Variants in PITPNC1 observed in about 807,000 individuals in gnomAD.
PITPNC1 encodes the protein cytoplasmic phosphatidylinositol transfer protein 1.
A neutral mutation model predicts 44.7 loss-of-function variants in PITPNC1; 18 were observed. That is an observed-to-expected ratio of 0.40 (90% confidence interval 0.28 to 0.60). The LOEUF (loss-of-function observed/expected upper bound fraction) is 0.60. PITPNC1 is among the 20% of genes least tolerant of loss of function. The pLI, the probability that PITPNC1 is intolerant of heterozygous loss-of-function variation, is 0.39. For synonymous variants in PITPNC1, 141 were observed against 149.6 expected (o/e 0.94, Z 0.42); for missense variants, 290 against 418.4 (o/e 0.69, Z 2.68).
intron 5 of PITPNC1, among the ~76,000 whole-genome samples, chr17:67,610,444 T>C (rs1410501977): frequency 6.6e-6 from 1 of 152,180 alleles, no homozygotes; most frequent in East Asian, 1.9e-4. Context: ...CATAAATAAA[T>C]AAACTTAGTA....
intron 1 of PITPNC1, among the ~76,000 whole-genome samples, chr17:67,400,913 T>C (rs1335687372): frequency 6.6e-6 from 1 of 151,872 alleles, no homozygotes; most frequent in African/African-American, 2.4e-5. Flanking sequence ...CAATTATGAT[T>C]GTTTTCTTTC....
At chr17:67,673,826 C>T (rs1277443186) in intron 7 of PITPNC1, among the ~76,000 whole-genome samples, 2 of 151,244 alleles carry the variant, frequency 1.3e-5, no homozygotes, top group African/African-American at 4.9e-5. Context: ...TGACAGGCAC[C>T]TGTAATCCCA....
chr17:67,514,710 C>G (rs997893389), intron 1 of PITPNC1, among the ~76,000 whole-genome samples: 1 of 152,060 alleles, frequency 6.6e-6, no homozygotes, highest in Non-Finnish European at 1.5e-5. Context: ...CCTGTAGTCC[C>G]AGCTACTCTG....
intron 5 of PITPNC1, among the ~76,000 whole-genome samples, chr17:67,622,634 C>G (rs2642052): frequency 0.036 from 5,408 of 151,612 alleles, 214 homozygotes; most frequent in African/African-American, 0.092. Context: ...AATTCCAGCC[C>G]TTTGAGAGGC....
chr17:67,566,858 T>C (rs36081476), intron 4 of PITPNC1, among the ~76,000 whole-genome samples: 3,681 of 152,304 alleles, frequency 0.024, 63 homozygotes, highest in Middle Eastern at 0.054. Flanking sequence ...AGAATCAGCA[T>C]GAGATCACAA....
chr17:67,419,238 AG>A (rs2038631348), intron 1 of PITPNC1, among the ~76,000 whole-genome samples: 1 of 152,062 alleles, frequency 6.6e-6, no homozygotes, highest in African/African-American at 2.4e-5. Flanking sequence ...GCAGGGAGTG[AG>A]GGGGAAAGTA....
At chr17:67,541,015 G>A (rs1429283501) in intron 2 of PITPNC1, among the ~76,000 whole-genome samples, 2 of 152,026 alleles carry the variant, frequency 1.3e-5, no homozygotes, top group Non-Finnish European at 1.5e-5. Context: ...TCAGGAGTTC[G>A]AGACCAGCCT....
intron 1 of PITPNC1, among the ~76,000 whole-genome samples, chr17:67,467,338 G>A (rs759478659): frequency 1.3e-5 from 2 of 152,182 alleles, no homozygotes; most frequent in African/African-American, 2.4e-5. Context: ...ACAGGCATGA[G>A]CCACTGTGCC....
intron 1 of PITPNC1, among the ~76,000 whole-genome samples, chr17:67,380,707 CA>C: frequency 6.6e-6 from 1 of 152,258 alleles, no homozygotes; most frequent in African/African-American, 2.4e-5. Context: ...CCTTTTTCCA[CA>C]TTGAAAATGA....
intron 6 of PITPNC1, among the ~76,000 whole-genome samples, chr17:67,652,905 A>G (rs1348776168): frequency 6.6e-6 from 1 of 152,154 alleles, no homozygotes; most frequent in Non-Finnish European, 1.5e-5. Flanking sequence ...CTTACTTGGG[A>G]TAGGGTCTTT....
At position 67,570,716 on chromosome 17, in the gene PITPNC1, A is replaced by T. The variant is rs970741835; in HGVS notation, c.295-7470A>T. On this transcript the variant is annotated intron_variant, in intron 4 of 8. Coordinates refer to ENST00000581322, the MANE Select transcript of PITPNC1 (RefSeq NM_012417.4). The stretch of plus-strand genomic sequence containing the variant: ...GGGAATCGTGAATTTGCCCCAAGTC[A>T]CACAGTTTGTTGGAAAAGAAGCTGC... Among the ~76,000 whole-genome samples the T allele has an allele frequency of 2.0e-5, 3 of 152,080 alleles. No individual in the cohort carries two copies. The East Asian group carries it at 5.8e-4, about 29-fold the overall frequency.
chr17:67,535,985 T>G, intron 2 of PITPNC1, among the ~76,000 whole-genome samples: 1 of 152,180 alleles, frequency 6.6e-6, no homozygotes, highest in East Asian at 1.9e-4. Flanking sequence ...CTGAGAGAGT[T>G]TACTAACTCT....
intron 5 of PITPNC1, among the ~76,000 whole-genome samples, chr17:67,627,325 G>A (rs2041908355): frequency 6.6e-6 from 1 of 152,202 alleles, no homozygotes; most frequent in Admixed American, 6.5e-5. Context: ...GTGATTTTTT[G>A]TGATTTGTTC....
At chr17:67,510,575 T>C (rs1325466229) in intron 1 of PITPNC1, among the ~76,000 whole-genome samples, 1 of 152,174 alleles carries the variant, frequency 6.6e-6, no homozygotes, top group Non-Finnish European at 1.5e-5. Context: ...GTGCTGGGAT[T>C]ACAGGCGTGA....
Position 67,597,344 on chromosome 17 carries a change from A to C in PITPNC1, c.366+19087A>C, listed in dbSNP as rs113562217. ...CAAAGTGGGTATCTTACTTGAAGTCAGGAATTCGAGACCAGCCTGGCCAAC... is the reference window on the plus strand; with the variant it reads ...CAAAGTGGGTATCTTACTTGAAGTCCGGAATTCGAGACCAGCCTGGCCAAC... On this transcript the variant is annotated intron_variant, in intron 5 of 8. Transcript: ENST00000581322. This position sits in a 1 kb window ranked among gnomAD's most constrained non-coding sequence, Gnocchi z 4.0. Among the ~76,000 whole-genome samples, 3 of 152,138 alleles carry C rather than the reference A, an allele frequency of 2.0e-5. No homozygotes were observed. The highest frequency in any genetic ancestry group is 4.4e-5 in the Non-Finnish European group (3 of 68,018).
chr17:67,422,107 G>A (rs1330369016), intron 1 of PITPNC1, among the ~76,000 whole-genome samples: 1 of 152,120 alleles, frequency 6.6e-6, no homozygotes, highest in African/African-American at 2.4e-5. Flanking sequence ...TACCCAAGAA[G>A]GCTTAAACCA....
intron 1 of PITPNC1, among the ~76,000 whole-genome samples, chr17:67,458,332 A>T (rs2039285218): frequency 6.6e-6 from 1 of 152,028 alleles, no homozygotes; most frequent in African/African-American, 2.4e-5. Flanking sequence ...GGACCTTCTC[A>T]TTGTGCTCTC....
At chr17:67,685,046 T>C (rs2042787518) in intron 8 of PITPNC1, among the ~76,000 whole-genome samples, 1 of 152,276 alleles carries the variant, frequency 6.6e-6, no homozygotes, top group African/African-American at 2.4e-5. Flanking sequence ...GAAACTTCTT[T>C]AAATTTTCAA....
rs928269963 is a variant in PITPNC1 at position 67,532,941 on chromosome 17, A to T, written c.188A>T (p.Tyr63Phe). ...GGGCAGTTCACCGAGAAGCGGGTGT[A>T]TCTCAACAGGTGAGTCATGGCAGCC... Reference protein sequence around the residue: ...GNGQFTEKRVYLNSKLPSWAR... With the variant: ...GNGQFTEKRVFLNSKLPSWAR... Residue 63 changes from tyrosine (Y) to phenylalanine (F), a missense_variant, in exon 2 of 9, where the codon TAT becomes TTT. Tyr to Phe is a conservative substitution (Grantham distance 22). Coordinates refer to ENST00000581322, the MANE Select transcript of PITPNC1 (RefSeq NM_012417.4). 3 of 1,609,330 alleles carry T rather than the reference A, an allele frequency of 1.9e-6. No homozygotes were observed. In the African/African-American group the frequency reaches 4.0e-5, roughly 22 times the overall value.
Sources: gnomAD v4.1 joint callset for allele counts (sites outside exome capture counted in the v4.1 genomes callset) on GRCh38, gnomAD v4.1.1 for gene constraint, Gnocchi (gnomAD v3.1) non-coding constraint, MANE v1.5 for transcripts, NCBI Gene and HGNC (gene_info 2026-07-23, HGNC 2026-07-21) for gene names.